SNCAIP: variants seen among roughly 807,000 people sequenced by gnomAD.
SNCAIP encodes the protein synuclein alpha interacting protein, also known as synphilin-1.
In SNCAIP, 43 loss-of-function variants were observed where a neutral mutation model predicts 86.7. That is an observed-to-expected ratio of 0.50 (90% confidence interval 0.39 to 0.64). The LOEUF (loss-of-function observed/expected upper bound fraction) is 0.64. Among genes scored for constraint, SNCAIP ranks in the 30% least tolerant of loss-of-function variants. The pLI, the probability that SNCAIP is intolerant of heterozygous loss-of-function variation, is 0.00. For synonymous variants in SNCAIP, 417 were observed against 427.2 expected, an observed-to-expected ratio of 0.98 and a Z score of 0.29; for missense variants, 981 against 1,103.1, an observed-to-expected ratio of 0.89 and a Z score of 1.57.
intron 10 of SNCAIP, chr5:122,454,408 A>G (rs948511648): frequency 6.5e-6 from 1 of 152,702 alleles, no homozygotes; most frequent in Non-Finnish European, 1.5e-5. Flanking sequence ...GTCACCAGTG[A>G]TCTGCTTGGG....
At chr5:122,387,218 G>A (rs1383129628) in intron 1 of SNCAIP, among the ~76,000 whole-genome samples, 1 of 152,116 alleles carries the variant, frequency 6.6e-6, no homozygotes, top group Non-Finnish European at 1.5e-5. Flanking sequence ...GAGTGCAGTG[G>A]TGTGATCTCG....
chr5:122,442,112 CTTTT>C (rs10688988), intron 7 of SNCAIP, among the ~76,000 whole-genome samples: 2 of 65,732 alleles, frequency 3.0e-5, no homozygotes, highest in East Asian at 4.6e-4. Context: ...AAGCAGTACT[CTTTT>C]TTTTTTTTTT....
At chr5:122,400,523 G>A (rs528320201) in intron 2 of SNCAIP, among the ~76,000 whole-genome samples, 137 of 152,300 alleles carry the variant, frequency 9.0e-4, no homozygotes, top group Non-Finnish European at 1.5e-3. Flanking sequence ...AGTGCTTATG[G>A]AAGCCAACAC....
intron 1 of SNCAIP, among the ~76,000 whole-genome samples, chr5:122,365,529 A>T (rs1255222554): frequency 6.6e-6 from 1 of 152,150 alleles, no homozygotes; most frequent in East Asian, 1.9e-4. Context: ...AATTACAAAA[A>T]TTAGCTGGGC....
chr5:122,316,607 T>C, intron 1 of SNCAIP, among the ~76,000 whole-genome samples: 1 of 151,944 alleles, frequency 6.6e-6, no homozygotes, highest in East Asian at 1.9e-4. Flanking sequence ...TGAATAATAG[T>C]TGAACCCATG....
At chr5:122,327,477 G>A (rs915496228) in intron 1 of SNCAIP, among the ~76,000 whole-genome samples, 2 of 152,248 alleles carry the variant, frequency 1.3e-5, no homozygotes, top group Admixed American at 6.5e-5. Flanking sequence ...GGAGGGACCT[G>A]GTAGGAGGTG....
intron 3 of SNCAIP, among the ~76,000 whole-genome samples, chr5:122,414,717 G>GA (rs570804163): frequency 3.5e-4 from 53 of 152,320 alleles, no homozygotes; most frequent in African/African-American, 1.2e-3. Context: ...TATCTTTAGG[G>GA]AATAATTTAA....
intron 1 of SNCAIP, among the ~76,000 whole-genome samples, chr5:122,350,028 T>G (rs560927356): frequency 9.4e-4 from 143 of 152,300 alleles, no homozygotes; most frequent in Non-Finnish European, 1.9e-3. Context: ...CAGCAAGTTC[T>G]TATGAAGTTA....
chr5:122,344,348 A>C (rs1211611492), intron 1 of SNCAIP, among the ~76,000 whole-genome samples: 1 of 152,204 alleles, frequency 6.6e-6, no homozygotes, highest in Non-Finnish European at 1.5e-5. Flanking sequence ...AGTTGAAATA[A>C]TTTTTATTGA....
intron 2 of SNCAIP, among the ~76,000 whole-genome samples, chr5:122,392,888 AAG>A (rs1443521736): frequency 1.3e-5 from 2 of 152,250 alleles, no homozygotes; most frequent in Admixed American, 1.3e-4. Context: ...ATGGTGAAGA[AAG>A]AACTCAAGGG....
In SNCAIP at chr5:122,318,966, CTTT is replaced by C. The variant is rs58667095; in HGVS notation, c.-47+6702_-47+6704del. On this transcript the variant is annotated intron_variant, in intron 1 of 10. Coordinates refer to ENST00000261368, the MANE Select transcript of SNCAIP (RefSeq NM_005460.4). ...AGGTAGGAGGCGTCACTGTTATCATCTTTTTTTTTTTTTTTTTTTTTTAACAGA... is the reference window on the plus strand; with the variant it reads ...AGGTAGGAGGCGTCACTGTTATCATCTTTTTTTTTTTTTTTTTTTAACAGA... Among the ~76,000 whole-genome samples, 79 of 130,650 alleles carry C rather than the reference CTTT, an allele frequency of 6.0e-4. 1 individual carries two copies. Among genetic ancestry groups the C allele is most frequent in the Middle Eastern group, 4.0e-3 (1 of 248 alleles). The allele number at this position is 130,650 out of a possible 152,430, so 85.7% of individuals were successfully genotyped here. A position where few individuals can be genotyped will look rare whatever the true frequency, so the allele number is the denominator to read the frequency against.
intron 1 of SNCAIP, among the ~76,000 whole-genome samples, chr5:122,343,939 C>G (rs376936229): frequency 6.6e-6 from 1 of 152,334 alleles, no homozygotes; most frequent in East Asian, 1.9e-4. Context: ...GAGAATGTGG[C>G]TGAGGTCTAA....
intron 1 of SNCAIP, among the ~76,000 whole-genome samples, chr5:122,333,246 T>G (rs544415474): frequency 6.6e-6 from 1 of 152,326 alleles, no homozygotes; most frequent in East Asian, 1.9e-4. Context: ...AAGATAAAAC[T>G]CATTTTTAGA....
chr5:122,359,784 G>A (rs1038804832), intron 1 of SNCAIP, among the ~76,000 whole-genome samples: 60 of 152,280 alleles, frequency 3.9e-4, no homozygotes, highest in African/African-American at 1.3e-3. Context: ...AAATATAATA[G>A]CTATTAATGG....
intron 1 of SNCAIP, among the ~76,000 whole-genome samples, chr5:122,377,062 A>G (rs1451152493): frequency 1.3e-5 from 2 of 152,178 alleles, no homozygotes. Context: ...CAAAGTCTTT[A>G]CTGAGACTGA....
chr5:122,441,501 C>G (rs1017221596), intron 7 of SNCAIP, among the ~76,000 whole-genome samples: 2 of 152,132 alleles, frequency 1.3e-5, no homozygotes, highest in Non-Finnish European at 2.9e-5. Flanking sequence ...GACCCCCTGC[C>G]CCAAGCCACA....
chr5:122,380,942 A>G (rs2152815473), intron 1 of SNCAIP, among the ~76,000 whole-genome samples: 1 of 148,568 alleles, frequency 6.7e-6, no homozygotes, highest in East Asian at 2.0e-4. Flanking sequence ...ACATTTGCTG[A>G]GGAGAGCTTT....
chr5:122,427,217 T>G (rs948564355), intron 5 of SNCAIP, among the ~76,000 whole-genome samples: 1 of 152,198 alleles, frequency 6.6e-6, no homozygotes, highest in Non-Finnish European at 1.5e-5. Flanking sequence ...ATTAAAAATC[T>G]CTGAGTAGAA....
At chr5:122,325,956 G>A (rs367754175) in intron 1 of SNCAIP, among the ~76,000 whole-genome samples, 3 of 152,290 alleles carry the variant, frequency 2.0e-5, no homozygotes, top group East Asian at 3.9e-4. Flanking sequence ...GTTACAATAT[G>A]TCTGGAAGAG....
Sources: gnomAD v4.1 joint callset for allele counts (sites outside exome capture counted in the v4.1 genomes callset) on GRCh38, gnomAD v4.1.1 for gene constraint, MANE v1.5 for transcripts, NCBI Gene and HGNC (gene_info 2026-07-23, HGNC 2026-07-21) for gene names.